CCSER1: variants seen among roughly 807,000 people sequenced by gnomAD.
The protein encoded by CCSER1 is serine-rich coiled-coil domain-containing protein 1.
CCSER1 carries 41 observed loss-of-function variants against 82.0 expected under a neutral mutation model. That is an observed-to-expected ratio of 0.50 (90% CI 0.39 to 0.65). The LOEUF (loss-of-function observed/expected upper bound fraction) is 0.65. CCSER1 is among the 30% of genes least tolerant of loss of function. CCSER1 has a pLI of 0.00. For missense variants in CCSER1, 1,119 were observed against 1,064.2 expected, an observed-to-expected ratio of 1.05 and a Z score of -0.72; for synonymous variants, 414 against 383.9, an observed-to-expected ratio of 1.08 and a Z score of -0.92.
At chr4:90,635,925 A>G (rs1725336903) in intron 6 of CCSER1, among the ~76,000 whole-genome samples, 1 of 151,944 alleles carries the variant, frequency 6.6e-6, no homozygotes, top group African/African-American at 2.4e-5. Context: ...GGTAGCTAAT[A>G]AAAGAAGGGC....
chr4:91,093,433 G>A (rs1356300942), intron 10 of CCSER1, among the ~76,000 whole-genome samples: 1 of 152,232 alleles, frequency 6.6e-6, no homozygotes, highest in Non-Finnish European at 1.5e-5. Flanking sequence ...CACATAGCAA[G>A]CTTTGGTACT....
intron 10 of CCSER1, among the ~76,000 whole-genome samples, chr4:91,158,953 T>G (rs956567279): frequency 6.6e-6 from 1 of 151,934 alleles, no homozygotes; most frequent in Non-Finnish European, 1.5e-5. Context: ...AAGTACAGCT[T>G]TTAACTTTTC....
At chr4:91,241,915 A>C (rs1209043614) in intron 10 of CCSER1, among the ~76,000 whole-genome samples, 1 of 152,124 alleles carries the variant, frequency 6.6e-6, no homozygotes. Flanking sequence ...AAAAACCCTA[A>C]TATCTCTATA....
At chr4:91,549,862 G>A (rs954194937) in intron 10 of CCSER1, among the ~76,000 whole-genome samples, 10 of 151,878 alleles carry the variant, frequency 6.6e-5, no homozygotes, top group South Asian at 2.1e-4. Context: ...TTAGTCCTTC[G>A]GTGAGCCAGT....
chr4:91,523,009 T>G (rs1016956863), intron 10 of CCSER1, among the ~76,000 whole-genome samples: 33 of 152,160 alleles, frequency 2.2e-4, no homozygotes, highest in Non-Finnish European at 3.7e-4. Context: ...TGGCTGTGGG[T>G]TTGTCATAAA....
intron 6 of CCSER1, among the ~76,000 whole-genome samples, chr4:90,710,597 C>T (rs1185991173): frequency 6.6e-6 from 1 of 152,026 alleles, no homozygotes; most frequent in Non-Finnish European, 1.5e-5. Flanking sequence ...GTCCTTTCCC[C>T]ATTACTTGTT....
At chr4:91,448,156 C>G (rs1388153191) in intron 10 of CCSER1, among the ~76,000 whole-genome samples, 1 of 152,058 alleles carries the variant, frequency 6.6e-6, no homozygotes, top group Non-Finnish European at 1.5e-5. Context: ...TGTATTAATG[C>G]TCTACCTTTC....
intron 7 of CCSER1, among the ~76,000 whole-genome samples, chr4:90,811,438 A>G (rs927937179): frequency 6.6e-6 from 1 of 152,214 alleles, no homozygotes; most frequent in Non-Finnish European, 1.5e-5. Context: ...GACAAAATTA[A>G]TTCCTGCTTA....
intron 10 of CCSER1, among the ~76,000 whole-genome samples, chr4:91,578,380 A>G (rs982344902): frequency 3.7e-4 from 57 of 152,116 alleles, no homozygotes; most frequent in African/African-American, 1.3e-3. Flanking sequence ...ATATATAAGA[A>G]TACTCAGAAT....
chr4:90,973,104 A>C (rs1431945353), intron 9 of CCSER1, among the ~76,000 whole-genome samples: 2 of 151,734 alleles, frequency 1.3e-5, no homozygotes, highest in African/African-American at 4.8e-5. Flanking sequence ...TTGGCTGGGC[A>C]ATGATTTTGG....
At chr4:91,276,847 T>C (rs1240973487) in intron 10 of CCSER1, among the ~76,000 whole-genome samples, 1 of 152,052 alleles carries the variant, frequency 6.6e-6, no homozygotes, top group Non-Finnish European at 1.5e-5. Flanking sequence ...GCAGTTTTTT[T>C]GAGTTTTTAT....
At position 91,414,538 on chromosome 4, in the gene CCSER1, C is replaced by A. The variant is rs935315451; in HGVS notation, c.2218-184034C>A. On this transcript the variant is annotated intron_variant, in intron 10 of 10. Transcript: ENST00000509176. ...CATGAGACAGCCAGAAAACAATGAA[C>A]AAAATGGCAATAGTAAGACTATGCC... 4.6e-5 allele frequency among the ~76,000 whole-genome samples: 7 copies of A among 152,090 alleles called. No individual in the cohort carries two copies. In the East Asian group the frequency reaches 1.2e-3, roughly 25 times the overall value.
intron 10 of CCSER1, among the ~76,000 whole-genome samples, chr4:91,464,129 A>G (rs941633571): frequency 6.6e-6 from 1 of 152,238 alleles, no homozygotes; most frequent in Non-Finnish European, 1.5e-5. Context: ...CCACATAGGG[A>G]AGCCCATCAA....
At chr4:90,507,580 A>C (rs957458498) in intron 5 of CCSER1, among the ~76,000 whole-genome samples, 1 of 152,116 alleles carries the variant, frequency 6.6e-6, no homozygotes. Context: ...CAATCATTTC[A>C]TACATTTTAT....
chr4:90,780,694 ACAAACGGTCAGGAG>A, intron 7 of CCSER1: 3 of 1,325,962 alleles, frequency 2.3e-6, no homozygotes, highest in Non-Finnish European at 2.9e-6. Context: ...TGTAAGCAAG[ACAAACGGTCAGGAG>A]GCCTCCTTGC....
chr4:90,623,218 T>C (rs1298384093), intron 5 of CCSER1, among the ~76,000 whole-genome samples: 1 of 151,838 alleles, frequency 6.6e-6, no homozygotes, highest in Non-Finnish European at 1.5e-5. Flanking sequence ...GTATTTTTAG[T>C]AGAGACAGGG....
chr4:91,514,107 C>G (rs1389750744), intron 10 of CCSER1, among the ~76,000 whole-genome samples: 2 of 152,116 alleles, frequency 1.3e-5, no homozygotes, highest in Non-Finnish European at 1.5e-5. Flanking sequence ...TATAAACTTT[C>G]CTGTCAACAC....
At chr4:90,993,128 C>A (rs1038487088) in intron 9 of CCSER1, among the ~76,000 whole-genome samples, 9 of 152,054 alleles carry the variant, frequency 5.9e-5, no homozygotes, top group African/African-American at 2.2e-4. Flanking sequence ...CCCAGCCTCT[C>A]TGTCTATCCT....
intron 9 of CCSER1, among the ~76,000 whole-genome samples, chr4:91,004,173 G>A (rs904682713): frequency 3.9e-5 from 6 of 152,254 alleles, no homozygotes; most frequent in African/African-American, 9.6e-5. Context: ...AGAGCAAAAC[G>A]TCACAATGTG....
Sources: gnomAD v4.1 joint callset for allele counts (sites outside exome capture counted in the v4.1 genomes callset) on GRCh38, gnomAD v4.1.1 for gene constraint, MANE v1.5 for transcripts, NCBI Gene and HGNC (gene_info 2026-07-23, HGNC 2026-07-21) for gene names.